The following GABRA1 variants were observed in gnomAD, a reference collection of about 807,000 sequenced individuals.
GABRA1 encodes gamma-aminobutyric acid receptor subunit alpha-1.
In GABRA1, 9 loss-of-function variants were observed where a neutral mutation model predicts 48.9. The observed-to-expected ratio is 0.18, with a 90% confidence interval of 0.11 to 0.32. The LOEUF (loss-of-function observed/expected upper bound fraction) is 0.32, where lower values mean the gene tolerates loss of function less well. Ranked by LOEUF, GABRA1 falls within the 10% of genes least tolerant of loss-of-function variation. The pLI is 1.00. For synonymous variants in GABRA1, 210 were observed against 198.7 expected (o/e 1.06, Z -0.48); for missense variants, 285 against 553.8 (o/e 0.51, Z 4.87).
At chr5:161,893,364 C>A (rs1414716725) in intron 8 of GABRA1, among the ~76,000 whole-genome samples, 4 of 152,044 alleles carry the variant, frequency 2.6e-5, no homozygotes, top group African/African-American at 9.7e-5. Flanking sequence ...TCACTAGAAT[C>A]ACAAATACAA....
rs1242478810 is a variant in GABRA1, at chr5:161,897,386, A to G, written c.1335A>G (p.Arg445=). ...NLVYWATYLN[R]EPQLKAPTPH... The stretch of plus-strand genomic sequence containing the variant: ...TCTACTGGGCTACGTATTTAAACAG[A>G]GAGCCTCAGCTAAAAGCCCCCACAC... Residue 445 remains arginine (R), a synonymous_variant, in exon 10 of 10, where the codon AGA becomes AGG. Transcript: ENST00000393943. The G allele has an allele frequency of 1.9e-6, 3 of 1,614,030 alleles. No homozygotes were observed. Among genetic ancestry groups the G allele is most frequent in the Non-Finnish European group, 2.5e-6 (3 of 1,180,006 alleles).
chr5:161,892,286 G>A (rs1470882979), intron 8 of GABRA1, among the ~76,000 whole-genome samples: 2 of 152,150 alleles, frequency 1.3e-5, no homozygotes, highest in Non-Finnish European at 2.9e-5. Context: ...GCCTTAAGAA[G>A]CTTATAGTCT....
chr5:161,853,682 C>T (rs1424023980), intron 2 of GABRA1: 1 of 151,886 alleles, frequency 6.6e-6, no homozygotes, highest in Non-Finnish European at 1.5e-5. Flanking sequence ...AAGAAAATCC[C>T]ACCAAAACAC....
chr5:161,883,198 C>T (rs545318185), intron 7 of GABRA1, among the ~76,000 whole-genome samples: 4 of 152,220 alleles, frequency 2.6e-5, no homozygotes, highest in Admixed American at 2.0e-4. Context: ...GATTATTACA[C>T]GCAGGACATC....
intron 3 of GABRA1, among the ~76,000 whole-genome samples, chr5:161,863,864 G>A (rs1259479726): frequency 6.6e-6 from 1 of 151,766 alleles, no homozygotes; most frequent in African/African-American, 2.4e-5. Flanking sequence ...GGAAACATGG[G>A]TAAACAAGTT....
At chr5:161,872,656 T>C (rs1478305153) in intron 4 of GABRA1, among the ~76,000 whole-genome samples, 1 of 152,154 alleles carries the variant, frequency 6.6e-6, no homozygotes, top group Non-Finnish European at 1.5e-5. Context: ...TACTTGGGTG[T>C]GGGCATGAGG....
intron 7 of GABRA1, among the ~76,000 whole-genome samples, chr5:161,886,549 T>G (rs1389498303): frequency 1.3e-5 from 2 of 151,908 alleles, no homozygotes; most frequent in African/African-American, 4.8e-5. Context: ...GACAAGCAGA[T>G]CAGATCACTT....
At chr5:161,894,021 A>G (rs1382118450) in intron 8 of GABRA1, among the ~76,000 whole-genome samples, 1 of 152,192 alleles carries the variant, frequency 6.6e-6, no homozygotes, top group African/African-American at 2.4e-5. Context: ...ACTTCTGAGA[A>G]CTGACTACAT....
chr5:161,869,884 C>T (rs1459066033), intron 4 of GABRA1, among the ~76,000 whole-genome samples: 2 of 152,148 alleles, frequency 1.3e-5, no homozygotes, highest in Non-Finnish European at 1.5e-5. Flanking sequence ...TTTTAGTTAA[C>T]TTGGTTTCGG....
chr5:161,854,292 T>C, intron 3 of GABRA1, 22 bp downstream of exon 3: 1 of 1,270,768 alleles, frequency 7.9e-7, no homozygotes, highest in Non-Finnish European at 1.2e-6. Flanking sequence ...TATTGTATTT[T>C]TGTTTTAGAG....
At chr5:161,882,225 G>C (rs551807580) in intron 6 of GABRA1, 1 of 357,146 alleles carries the variant, frequency 2.8e-6, no homozygotes, top group Admixed American at 4.0e-5. Context: ...AATTACATAC[G>C]TATTTGCTTA....
chr5:161,861,873 G>C (rs1757872131), intron 3 of GABRA1, among the ~76,000 whole-genome samples: 1 of 151,738 alleles, frequency 6.6e-6, no homozygotes, highest in Non-Finnish European at 1.5e-5. Context: ...AGTCCATTTA[G>C]TCTCCATGTG....
In GABRA1 at chr5:161,899,379, T is replaced by C. The variant is rs1755515817; in HGVS notation, c.*1957T>C. The C allele has an allele frequency of 6.6e-6, 1 of 152,432 alleles. No homozygotes were observed. Among genetic ancestry groups the C allele is most frequent in the African/African-American group, 2.4e-5 (1 of 41,406 alleles). 9.4% of individuals were successfully genotyped at this position (152,432 alleles called of 1,614,324 possible). On this transcript the variant is annotated 3_prime_UTR_variant, in exon 10 of 10. Coordinates refer to ENST00000393943, the MANE Select transcript of GABRA1 (RefSeq NM_001127644.2). ...ACCAATATCATGTGTAGATATTATG[T>C]ATAGAAAATAAAATAAATTATGGCT...
Position 161,864,515 on chromosome 5 carries a change from G to C in GABRA1, c.188-1206G>C, listed in dbSNP as rs189082694. On this transcript the variant is annotated intron_variant, in intron 3 of 9. Transcript: ENST00000393943. ...TGCTAAGGGAAAAGGGCCAGCTCTT[G>C]ATTTCTAAAGGAAATGATCATTTTA... 1.9e-3 allele frequency among the ~76,000 whole-genome samples: 295 copies of C among 152,044 alleles called. 1 individual carries two copies. The highest frequency in any genetic ancestry group is 6.9e-3 in the African/African-American group (286 of 41,516).
At chr5:161,850,642 T>G (rs1411116374) in intron 1 of GABRA1, 154 bp from the exon 2 acceptor site, 6 of 670,526 alleles carry the variant, frequency 8.9e-6, no homozygotes. Context: ...GAATGGATGG[T>G]CCAGGTTTCC....
chr5:161,862,174 A>G (rs1757887740), intron 3 of GABRA1, among the ~76,000 whole-genome samples: 1 of 151,736 alleles, frequency 6.6e-6, no homozygotes, highest in Non-Finnish European at 1.5e-5. Context: ...AAGTTACATC[A>G]TTTCATTTCA....
intron 4 of GABRA1, among the ~76,000 whole-genome samples, chr5:161,871,648 C>T (rs1754126783): frequency 6.6e-6 from 1 of 152,120 alleles, no homozygotes; most frequent in Admixed American, 6.6e-5. Context: ...CCCTCCTTTG[C>T]TGAATTTATT....
intron 8 of GABRA1, among the ~76,000 whole-genome samples, chr5:161,893,618 C>G (rs1755223230): frequency 6.6e-6 from 1 of 152,132 alleles, no homozygotes; most frequent in African/African-American, 2.4e-5. Flanking sequence ...AGACCATATT[C>G]TTGGTTTTCC....
chr5:161,863,998 G>A (rs543210469), intron 3 of GABRA1, among the ~76,000 whole-genome samples: 1 of 151,998 alleles, frequency 6.6e-6, no homozygotes, highest in African/African-American at 2.4e-5. Flanking sequence ...CCCGCCACTG[G>A]ACACTTGCCA....
Sources: allele counts gnomAD v4.1 joint callset (sites outside exome capture counted in the v4.1 genomes callset), GRCh38; gene constraint gnomAD v4.1.1; transcripts MANE v1.5; gene names NCBI Gene and HGNC (gene_info 2026-07-23, HGNC 2026-07-21).